Variants in VPS39 observed in about 807,000 individuals in gnomAD.
VPS39 encodes VPS39 subunit of HOPS complex.
In VPS39, 70 loss-of-function variants were observed where a neutral mutation model predicts 121.0. The ratio of observed to expected loss-of-function variants is 0.58; its 90% CI spans 0.48 to 0.71. The LOEUF (loss-of-function observed/expected upper bound fraction) is 0.71, where lower values mean the gene tolerates loss of function less well. VPS39 is among the 30% of genes least tolerant of loss of function. The pLI is 0.00. For synonymous variants in VPS39, 378 were observed against 398.1 expected (o/e 0.95, Z 0.60); for missense variants, 818 against 1,051.5 (o/e 0.78, Z 3.07).
intron 19 of VPS39, among the ~76,000 whole-genome samples, chr15:42,163,971 A>T (rs2049191570): frequency 6.6e-6 from 1 of 152,248 alleles, no homozygotes; most frequent in South Asian, 2.1e-4. Context: ...ATATTCATTC[A>T]GCAGCCAAGT....
At chr15:42,204,533 C>T (rs2050131476) in intron 1 of VPS39, among the ~76,000 whole-genome samples, 1 of 152,072 alleles carries the variant, frequency 6.6e-6, no homozygotes, top group Admixed American at 6.5e-5. Flanking sequence ...GGCAGTAATC[C>T]TAACTACTCG....
At chr15:42,174,421 A>G (rs541012549) in intron 10 of VPS39, among the ~76,000 whole-genome samples, 1 of 152,350 alleles carries the variant, frequency 6.6e-6, no homozygotes, top group Non-Finnish European at 1.5e-5. Flanking sequence ...GTCATGAAAA[A>G]CAAGGAAAGA....
chr15:42,172,876 T>C (rs985153416), intron 11 of VPS39, among the ~76,000 whole-genome samples: 2 of 152,192 alleles, frequency 1.3e-5, no homozygotes, highest in African/African-American at 2.4e-5. Flanking sequence ...TGGTCTCCAT[T>C]GCTCACAACC....
At chr15:42,191,199 A>C (rs1480752782) in intron 3 of VPS39, 32 bp from the exon 4 acceptor site, 1 of 1,612,536 alleles carries the variant, frequency 6.2e-7, no homozygotes, top group Non-Finnish European at 8.5e-7. Context: ...GACCCAATTA[A>C]ACATTTCTGA....
At chr15:42,161,108 G>C in intron 24 of VPS39, 1 of 411,950 alleles carries the variant, frequency 2.4e-6, no homozygotes, top group Non-Finnish European at 4.4e-6. Context: ...CAGTGCACCA[G>C]CCCAAAGCTC....
At position 42,189,046 on chromosome 15, in the gene VPS39, T is replaced by G. The variant is rs1285138473; in HGVS notation, c.342+68A>C. ...CAGTGTCATTCTTCCCATCTAATGGTAGGAATGATGTAGGAAAGACTGTAT... is the reference window on the plus strand; with the variant it reads ...CAGTGTCATTCTTCCCATCTAATGGGAGGAATGATGTAGGAAAGACTGTAT... On this transcript the variant is annotated intron_variant, in intron 5 of 24. Coordinates refer to ENST00000318006, the MANE Select transcript of VPS39 (RefSeq NM_015289.5). 5.5e-6 allele frequency: 6 copies of G among 1,095,930 alleles called. No individual in the cohort carries two copies. In the East Asian group the frequency reaches 1.2e-4, roughly 22 times the overall value. The allele number at this position is 1,095,930 out of a possible 1,614,324, so 67.9% of individuals were successfully genotyped here.
In VPS39 at chr15:42,189,219, G is replaced by A. The variant is rs1185491422; in HGVS notation, c.248-11C>T. The A allele has an allele frequency of 1.9e-6, 3 of 1,598,702 alleles. No individual in the cohort carries two copies. The highest frequency in any genetic ancestry group is 1.3e-5 in the African/African-American group (1 of 74,682). On this transcript the variant is annotated splice_polypyrimidine_tract_variant and intron_variant, in intron 4 of 24. Transcript: ENST00000318006. ...CATAAATGTTATTTTCTGTTTGGGA[G>A]GAGGTATAACATCAGGATCAATGAT...
chr15:42,189,001 C>T, intron 5 of VPS39, 113 bp downstream of exon 5: 1 of 752,526 alleles, frequency 1.3e-6, no homozygotes, highest in Non-Finnish European at 2.3e-6. Context: ...TCTTTGGAGT[C>T]TCTGTTGGGT....
At chr15:42,205,109 T>A (rs932528963) in intron 1 of VPS39, among the ~76,000 whole-genome samples, 9 of 152,200 alleles carry the variant, frequency 5.9e-5, no homozygotes, top group Admixed American at 1.3e-4. Context: ...ACTATTCATA[T>A]TAACATTATT....
intron 2 of VPS39, among the ~76,000 whole-genome samples, chr15:42,196,660 A>G (rs2049946130): frequency 6.6e-6 from 1 of 152,224 alleles, no homozygotes; most frequent in Admixed American, 6.5e-5. Flanking sequence ...CGATCATTAA[A>G]AAGTCAGGAA....
At chr15:42,172,453 G>A (rs2049365262) in intron 11 of VPS39, among the ~76,000 whole-genome samples, 1 of 152,230 alleles carries the variant, frequency 6.6e-6, no homozygotes, top group Non-Finnish European at 1.5e-5. Context: ...CAAGGACAGT[G>A]CAGCTGACCC....
intron 1 of VPS39, among the ~76,000 whole-genome samples, chr15:42,204,217 C>G (rs747883186): frequency 6.6e-6 from 1 of 152,230 alleles, no homozygotes; most frequent in Non-Finnish European, 1.5e-5. Context: ...AATAACAGTA[C>G]TTCTCATCTG....
At chr15:42,176,025 T>C (rs1179543236) in intron 10 of VPS39, among the ~76,000 whole-genome samples, 1 of 152,176 alleles carries the variant, frequency 6.6e-6, no homozygotes, top group Non-Finnish European at 1.5e-5. Flanking sequence ...GAAAGTTCCA[T>C]TATGTTTGTG....
chr15:42,183,661 A>G (rs1002074190), intron 8 of VPS39, among the ~76,000 whole-genome samples: 1 of 152,206 alleles, frequency 6.6e-6, no homozygotes, highest in African/African-American at 2.4e-5. Context: ...GACCTAGTCC[A>G]TAGTTCAGTC....
At chr15:42,176,529 G>A (rs919039156) in intron 10 of VPS39, among the ~76,000 whole-genome samples, 11 of 151,960 alleles carry the variant, frequency 7.2e-5, no homozygotes, top group African/African-American at 2.7e-4. Flanking sequence ...GTAGGATGGT[G>A]AGTTCATGGG....
chr15:42,175,096 A>G (rs565771110), intron 10 of VPS39, among the ~76,000 whole-genome samples: 1 of 152,258 alleles, frequency 6.6e-6, no homozygotes, highest in South Asian at 2.1e-4. Flanking sequence ...TGGCAGAGAG[A>G]GCACAGTGTA....
At chr15:42,166,021 C>T (rs145146659) in intron 16 of VPS39, 138 bp downstream of exon 16, 42 of 1,013,978 alleles carry the variant, frequency 4.1e-5, no homozygotes, top group African/African-American at 8.0e-5. Context: ...TGCTGGCTCG[C>T]GCTTCCCAGT....
intron 6 of VPS39, 99 bp from the exon 7 acceptor site, chr15:42,187,462 C>T (rs2049727267): frequency 9.1e-7 from 1 of 1,104,334 alleles, no homozygotes; most frequent in Admixed American, 2.7e-5. Flanking sequence ...AAACAACCCT[C>T]ACCCTCATCG....
At chr15:42,161,992 G>C (rs750164543) in intron 23 of VPS39, 40 bp downstream of exon 23, 2 of 1,612,672 alleles carry the variant, frequency 1.2e-6, no homozygotes, top group Non-Finnish European at 8.5e-7. Context: ...CATACTAAAA[G>C]TTAAAAGCCC....
Sources: allele counts gnomAD v4.1 joint callset (sites outside exome capture counted in the v4.1 genomes callset), GRCh38; gene constraint gnomAD v4.1.1; transcripts MANE v1.5; gene names NCBI Gene and HGNC (gene_info 2026-07-23, HGNC 2026-07-21).